Variants in WIPI1 observed in about 807,000 individuals in gnomAD.
The protein encoded by WIPI1 is WD repeat domain, phosphoinositide interacting 1, also known as WD repeat domain phosphoinositide-interacting protein 1.
WIPI1 carries 45 observed loss-of-function variants against 55.3 expected under a neutral mutation model. The ratio of observed to expected loss-of-function variants is 0.81; its 90% confidence interval spans 0.64 to 1.04. The LOEUF is 1.04. Among genes scored for constraint, WIPI1 ranks in the 50% least tolerant of loss-of-function variants. The pLI is 0.00. For missense variants in WIPI1, 445 were observed against 559.0 expected (o/e 0.80, Z 2.06); for synonymous variants, 195 against 217.6 (o/e 0.90, Z 0.92).
intron 1 of WIPI1, among the ~76,000 whole-genome samples, chr17:68,453,479 CTTTTT>C (rs112934024): frequency 3.7e-5 from 5 of 136,190 alleles, no homozygotes; most frequent in African/African-American, 1.1e-4. Context: ...TTTTCTTTTC[CTTTTT>C]TTTTTTTTTT....
chr17:68,445,704 T>G (rs977448773), intron 3 of WIPI1, among the ~76,000 whole-genome samples: 1 of 152,184 alleles, frequency 6.6e-6, no homozygotes, highest in Non-Finnish European at 1.5e-5. Context: ...ATCGGGTGTT[T>G]AAAGGAATAT....
intron 8 of WIPI1, among the ~76,000 whole-genome samples, chr17:68,430,585 CTGAG>C (rs1444089952): frequency 1.3e-5 from 2 of 152,168 alleles, no homozygotes; most frequent in East Asian, 1.9e-4. Context: ...CTGAGCCAGA[CTGAG>C]TGGGTAGCAA....
At chr17:68,452,472 G>A (rs1257042206) in intron 2 of WIPI1, among the ~76,000 whole-genome samples, 2 of 152,176 alleles carry the variant, frequency 1.3e-5, no homozygotes, top group Non-Finnish European at 2.9e-5. Context: ...GGCTGAGGCA[G>A]GAGAATCACT....
At chr17:68,427,342 G>T in intron 10 of WIPI1, 89 bp from the exon 11 acceptor site, 1 of 987,342 alleles carries the variant, frequency 1.0e-6, no homozygotes, top group Non-Finnish European at 1.6e-6. Flanking sequence ...GAAGAAGCCT[G>T]TGCTCAGCTC....
At chr17:68,428,649 T>C in intron 10 of WIPI1, 180 bp downstream of exon 10, 1 of 571,068 alleles carries the variant, frequency 1.8e-6, no homozygotes, top group Non-Finnish European at 3.1e-6. Flanking sequence ...GATTACCACA[T>C]GCTGAGGGCA....
At chr17:68,431,064 C>T (rs1304506593) in intron 8 of WIPI1, among the ~76,000 whole-genome samples, 2 of 152,174 alleles carry the variant, frequency 1.3e-5, no homozygotes, top group Non-Finnish European at 2.9e-5. Context: ...CTGAGACATC[C>T]TTGTACTGTC....
intron 3 of WIPI1, 110 bp downstream of exon 3, chr17:68,450,618 C>T (rs12944963): frequency 0.03 from 41,782 of 1,394,276 alleles, 771 homozygotes; most frequent in Non-Finnish European, 0.036. Context: ...TTAACATTCT[C>T]ATTAGAATTG....
chr17:68,426,338 C>T (rs1197816740), intron 11 of WIPI1, among the ~76,000 whole-genome samples, 163 bp from the exon 12 acceptor site: 3 of 152,086 alleles, frequency 2.0e-5, no homozygotes, highest in African/African-American at 7.2e-5. Flanking sequence ...TAATCCTCAC[C>T]ATCTGCCATC....
At chr17:68,454,292 G>A (rs181560742) in intron 1 of WIPI1, among the ~76,000 whole-genome samples, 37 of 152,302 alleles carry the variant, frequency 2.4e-4, no homozygotes, top group African/African-American at 5.1e-4. Flanking sequence ...GGAAGGCAAG[G>A]TGAAATTCAC....
rs2082976584 is a variant in WIPI1 at position 68,423,969 on chromosome 17, C to T, written c.1293+2106G>A. On this transcript the variant is annotated intron_variant, in intron 12 of 12. Transcript: ENST00000262139. The surrounding 1 kb of genome is among the most constrained non-coding windows in gnomAD (Gnocchi z 4.4). ...TAGTGAGTGTCTGGATGTGGTAAACCCTGACAGAGTAGAATGGTCACATTT... is the reference window on the plus strand; with the variant it reads ...TAGTGAGTGTCTGGATGTGGTAAACTCTGACAGAGTAGAATGGTCACATTT... Among the ~76,000 whole-genome samples, 1 of 151,896 alleles carries T rather than the reference C, an allele frequency of 6.6e-6. No homozygotes were observed. Among genetic ancestry groups the T allele is most frequent in the African/African-American group, 2.4e-5 (1 of 41,334 alleles).
At chr17:68,425,382 C>T (rs951739199) in intron 12 of WIPI1, among the ~76,000 whole-genome samples, 8 of 132,290 alleles carry the variant, frequency 6.0e-5, no homozygotes, top group Non-Finnish European at 9.6e-5. Flanking sequence ...TTTTTCTTTT[C>T]TTTTTTTTTT....
intron 4 of WIPI1, among the ~76,000 whole-genome samples, chr17:68,438,445 A>G (rs1190231251): frequency 6.6e-6 from 1 of 152,236 alleles, no homozygotes; most frequent in Admixed American, 6.5e-5. Flanking sequence ...GAAGGCAGTC[A>G]GGAGATCTGG....
At chr17:68,435,582 C>T (rs374707153) in intron 6 of WIPI1, 38 bp downstream of exon 6, 184 of 1,602,002 alleles carry the variant, frequency 1.1e-4, no homozygotes, top group East Asian at 2.5e-4. Context: ...AGCCATCCAG[C>T]GAAACCCAGA....
Position 68,423,786 on chromosome 17 carries a change from A to AGG in WIPI1, c.1294-1968_1294-1967dup, listed in dbSNP as rs767119501. 1.3e-5 allele frequency among the ~76,000 whole-genome samples: 2 copies of AGG among 152,212 alleles called. No individual in the cohort carries two copies. The highest frequency in any genetic ancestry group is 2.9e-5 in the Non-Finnish European group (2 of 68,022). ...GCACAAGGTACCTATTATTTTATAC[A>AGG]GGTTCTTTGGCAAGGAACTACCTCC... On this transcript the variant is annotated intron_variant, in intron 12 of 12. Coordinates refer to ENST00000262139, the MANE Select transcript of WIPI1 (RefSeq NM_017983.7). The surrounding 1 kb of genome is among the most constrained non-coding windows in gnomAD (Gnocchi z 4.4).
chr17:68,430,171 A>G lies in WIPI1; in HGVS notation c.801-11T>C. The stretch of plus-strand genomic sequence containing the variant: ...GGCTCTTCTGGTCGACTAGGGAGTA[A>G]TGCACAGGCAACGATGGGACTGGGC... On this transcript the variant is annotated splice_polypyrimidine_tract_variant and intron_variant, in intron 8 of 12. Transcript: ENST00000262139. 6.2e-7 allele frequency: 1 copy of G among 1,608,106 alleles called. No homozygotes were observed. Among genetic ancestry groups the G allele is most frequent in the Non-Finnish European group, 8.5e-7 (1 of 1,177,410 alleles).
chr17:68,449,093 A>C (rs551455365), intron 3 of WIPI1, among the ~76,000 whole-genome samples: 2 of 152,352 alleles, frequency 1.3e-5, no homozygotes, highest in East Asian at 3.9e-4. Context: ...GTTAAAAAAA[A>C]TTAATTAGTA....
chr17:68,444,260 A>G (rs1036245396), intron 4 of WIPI1, among the ~76,000 whole-genome samples: 18 of 152,244 alleles, frequency 1.2e-4, no homozygotes, highest in African/African-American at 4.1e-4. Flanking sequence ...GGTCCCAGAC[A>G]AAGGGTGTTG....
chr17:68,429,988 G>A lies in WIPI1; in HGVS notation c.965+8C>T. On this transcript the variant is annotated splice_region_variant and intron_variant, in intron 9 of 12. Coordinates refer to ENST00000262139, the MANE Select transcript of WIPI1 (RefSeq NM_017983.7). ...GGTCTTGTTCAGAGTGGGTGTCATT[G>A]TACGTACGTTGAGAGGGTACAGATG... 1 of 1,614,096 alleles carries A rather than the reference G, an allele frequency of 6.2e-7. No homozygotes were observed. The highest frequency in any genetic ancestry group is 8.5e-7 in the Non-Finnish European group (1 of 1,180,002).
chr17:68,449,301 G>A (rs192070825), intron 3 of WIPI1, among the ~76,000 whole-genome samples: 1 of 152,284 alleles, frequency 6.6e-6, no homozygotes, highest in Non-Finnish European at 1.5e-5. Flanking sequence ...CTACCAGGTC[G>A]TATAATGGTG....
Sources: gnomAD v4.1 joint callset for allele counts (sites outside exome capture counted in the v4.1 genomes callset) on GRCh38, gnomAD v4.1.1 for gene constraint, Gnocchi (gnomAD v3.1) non-coding constraint, MANE v1.5 for transcripts, NCBI Gene and HGNC (gene_info 2026-07-23, HGNC 2026-07-21) for gene names.